STAG1: variants seen among roughly 807,000 people sequenced by gnomAD.
STAG1 encodes the protein cohesin subunit SA-1.
STAG1 carries 26 observed loss-of-function variants against 170.9 expected under a neutral mutation model. The observed-to-expected ratio is 0.15, with a 90% CI of 0.11 to 0.21. The LOEUF (loss-of-function observed/expected upper bound fraction) is 0.21, where lower values mean the gene tolerates loss of function less well. Ranked by LOEUF, STAG1 falls within the 10% of genes least tolerant of loss-of-function variation. The pLI is 1.00. For synonymous variants in STAG1, 514 were observed against 497.7 expected (o/e 1.03, Z -0.44); for missense variants, 964 against 1,509.5 (o/e 0.64, Z 5.99).
intron 3 of STAG1, among the ~76,000 whole-genome samples, chr3:136,604,949 T>A (rs528685960): frequency 6.6e-6 from 1 of 152,274 alleles, no homozygotes; most frequent in East Asian, 1.9e-4. Flanking sequence ...CACACCTAGA[T>A]GATGTTTTAA....
chr3:136,739,740 C>G (rs921446488), intron 1 of STAG1, among the ~76,000 whole-genome samples: 2 of 151,832 alleles, frequency 1.3e-5, no homozygotes, highest in Admixed American at 1.3e-4. Flanking sequence ...AGGAGAATCA[C>G]TTGAACCTAG....
intron 3 of STAG1, among the ~76,000 whole-genome samples, chr3:136,615,987 C>T (rs906922769): frequency 6.6e-6 from 1 of 151,526 alleles, no homozygotes; most frequent in Admixed American, 6.6e-5. Context: ...AGTCATCAGA[C>T]GCTGGGCGCA....
At chr3:136,581,466 CCTGT>C (rs1331590405) in intron 4 of STAG1, among the ~76,000 whole-genome samples, 2 of 152,060 alleles carry the variant, frequency 1.3e-5, no homozygotes, top group African/African-American at 2.4e-5. Context: ...AAAAAAACCA[CCTGT>C]CTTTTTATCA....
intron 1 of STAG1, among the ~76,000 whole-genome samples, chr3:136,727,044 G>A (rs960986675): frequency 6.6e-6 from 1 of 151,996 alleles, no homozygotes; most frequent in Non-Finnish European, 1.5e-5. Context: ...TGCCTTTCCT[G>A]GCCTTTTTTA....
chr3:136,369,026 A>T, intron 24 of STAG1, 82 bp downstream of exon 24: 1 of 1,268,390 alleles, frequency 7.9e-7, no homozygotes, highest in East Asian at 2.8e-5. Context: ...GATAATTTTT[A>T]GAACTGAATT....
intron 7 of STAG1, 29 bp downstream of exon 7, chr3:136,521,184 G>T: frequency 6.4e-7 from 1 of 1,570,142 alleles, no homozygotes; most frequent in South Asian, 1.1e-5. Flanking sequence ...AAAACTAAAT[G>T]AAAAGGAAAT....
chr3:136,364,799 A>G (rs1439161896), intron 25 of STAG1, among the ~76,000 whole-genome samples: 1 of 152,210 alleles, frequency 6.6e-6, no homozygotes, highest in East Asian at 1.9e-4. Context: ...CTATGTGAAG[A>G]AGTGATTAAT....
chr3:136,528,503 C>CT (rs60822372), intron 6 of STAG1, among the ~76,000 whole-genome samples: 24 of 125,278 alleles, frequency 1.9e-4, no homozygotes, highest in Admixed American at 3.6e-4. Context: ...CACCCCCCCC[C>CT]CCAAAAAATC....
chr3:136,401,068 C>A (rs1319159640), intron 21 of STAG1, among the ~76,000 whole-genome samples: 1 of 152,120 alleles, frequency 6.6e-6, no homozygotes, highest in Non-Finnish European at 1.5e-5. Context: ...ATATTCCTTG[C>A]TATGACACCA....
rs371261553 is a variant in STAG1, at chr3:136,521,473, GCTT to G, written c.472-59_472-57del. The G allele has an allele frequency of 1.0e-4, 155 of 1,518,714 alleles. No individual in the cohort carries two copies. The African/African-American group carries it at 1.9e-3, about 19-fold the overall frequency. 94.1% of individuals were successfully genotyped at this position (1,518,714 alleles called of 1,614,324 possible). On this transcript the variant is annotated intron_variant, in intron 6 of 33. Transcript: ENST00000383202. ...TGTCACATTACAGAGTTTGATGAAA[GCTT>G]TTTTTTTCTTCCTACCTACATAGGA...
At chr3:136,389,241 A>C (rs779922224) in intron 22 of STAG1, among the ~76,000 whole-genome samples, 1 of 152,226 alleles carries the variant, frequency 6.6e-6, no homozygotes, top group Non-Finnish European at 1.5e-5. Context: ...TCTCTTAATA[A>C]GTAAAAACAG....
chr3:136,590,451 C>T (rs530764740), intron 4 of STAG1, among the ~76,000 whole-genome samples: 1 of 151,574 alleles, frequency 6.6e-6, no homozygotes, highest in East Asian at 1.9e-4. Flanking sequence ...TGAGATCGCG[C>T]CACTGCACTC....
chr3:136,682,557 CA>C (rs1277804110), intron 1 of STAG1, among the ~76,000 whole-genome samples: 4 of 151,162 alleles, frequency 2.6e-5, no homozygotes, highest in Non-Finnish European at 4.4e-5. Context: ...TTGCAGGATA[CA>C]AAAATTACCA....
At chr3:136,362,076 C>T (rs2108284904) in intron 26 of STAG1, among the ~76,000 whole-genome samples, 1 of 152,060 alleles carries the variant, frequency 6.6e-6, no homozygotes, top group Admixed American at 6.5e-5. Context: ...TTGCCTCAGC[C>T]TCCTGAGAGT....
intron 1 of STAG1, among the ~76,000 whole-genome samples, chr3:136,631,433 A>C (rs906100226): frequency 3.3e-5 from 5 of 152,204 alleles, no homozygotes; most frequent in Non-Finnish European, 7.3e-5. Flanking sequence ...CAGATCACAG[A>C]AGATTTTTAG....
chr3:136,350,076 G>A (rs1473199489), intron 28 of STAG1, among the ~76,000 whole-genome samples: 1 of 152,018 alleles, frequency 6.6e-6, no homozygotes, highest in Non-Finnish European at 1.5e-5. Context: ...GGAGGCGGAG[G>A]TTGCAGTAAG....
At chr3:136,561,985 A>G (rs534000119) in intron 5 of STAG1, among the ~76,000 whole-genome samples, 5 of 152,252 alleles carry the variant, frequency 3.3e-5, no homozygotes, top group African/African-American at 7.2e-5. Context: ...TTTGTTCTGA[A>G]TAAGTGTTTA....
intron 7 of STAG1, among the ~76,000 whole-genome samples, chr3:136,515,415 T>C (rs1044212340): frequency 2.6e-5 from 4 of 152,168 alleles, no homozygotes; most frequent in African/African-American, 7.2e-5. Context: ...GACTTATGTA[T>C]GTTACATATT....
At chr3:136,520,743 T>C (rs1039677233) in intron 7 of STAG1, among the ~76,000 whole-genome samples, 2 of 152,134 alleles carry the variant, frequency 1.3e-5, no homozygotes, top group Non-Finnish European at 2.9e-5. Context: ...GTTTAAGTTA[T>C]TATAGCACTA....
Sources: gnomAD v4.1 joint callset for allele counts (sites outside exome capture counted in the v4.1 genomes callset) on GRCh38, gnomAD v4.1.1 for gene constraint, MANE v1.5 for transcripts, NCBI Gene and HGNC (gene_info 2026-07-23, HGNC 2026-07-21) for gene names.